RARB: variants seen among roughly 807,000 people sequenced by gnomAD.
RARB encodes the protein retinoic acid receptor beta.
In RARB, 17 loss-of-function variants were observed where a neutral mutation model predicts 51.9. The ratio of observed to expected loss-of-function variants is 0.33; its 90% CI spans 0.22 to 0.49. The LOEUF (loss-of-function observed/expected upper bound fraction) is 0.49, where lower values mean the gene tolerates loss of function less well. RARB is among the 20% of genes least tolerant of loss of function. The pLI is 0.99. For synonymous variants in RARB, 215 were observed against 195.4 expected (o/e 1.10, Z -0.84); for missense variants, 369 against 550.8 (o/e 0.67, Z 3.30).
At chr3:25,509,355 C>T (rs956963245) in intron 3 of RARB, among the ~76,000 whole-genome samples, 1 of 152,236 alleles carries the variant, frequency 6.6e-6, no homozygotes, top group Non-Finnish European at 1.5e-5. Context: ...TTGTCTGCTA[C>T]TGCTTCTTTT....
At chr3:25,515,227 G>A (rs1245059521) in intron 3 of RARB, among the ~76,000 whole-genome samples, 2 of 152,212 alleles carry the variant, frequency 1.3e-5, no homozygotes, top group African/African-American at 4.8e-5. Flanking sequence ...AGATTGAAGT[G>A]TGGTGCTTTA....
chr3:25,205,252 C>T (rs1701508784), intron 5 of RARB, among the ~76,000 whole-genome samples: 1 of 152,164 alleles, frequency 6.6e-6, no homozygotes, highest in Non-Finnish European at 1.5e-5. Context: ...TCCTGCTGTG[C>T]AGTTTGCTAA....
chr3:25,425,034 CT>C (rs1448338132), upstream of RARB, among the ~76,000 whole-genome samples: 2 of 152,152 alleles, frequency 1.3e-5, no homozygotes, highest in Admixed American at 1.3e-4. Context: ...TTGTTTTTCA[CT>C]TTTTGTTTGC....
chr3:25,276,636 G>A (rs1703388748), intron 5 of RARB, among the ~76,000 whole-genome samples: 1 of 152,188 alleles, frequency 6.6e-6, no homozygotes, highest in African/African-American at 2.4e-5. Context: ...AAGACATTAT[G>A]CCTCTAATTT....
At chr3:25,097,940 T>G (rs1413895638) in intron 3 of RARB, among the ~76,000 whole-genome samples, 1 of 152,200 alleles carries the variant, frequency 6.6e-6, no homozygotes, top group Admixed American at 6.5e-5. Context: ...GAGAAAACCA[T>G]GGTCCCTACC....
Position 25,035,915 on chromosome 3 carries a change from G to A in RARB, c.-379-24210G>A, listed in dbSNP as rs147241975. ...CCACAACTGAGGTGGTTATACACTC[G>A]GTAACTAAATGGTGAACTGCCATGG... On this transcript the variant is annotated intron_variant, in intron 2 of 11. Transcript: ENST00000383772. 3.2e-4 allele frequency among the ~76,000 whole-genome samples: 49 copies of A among 152,182 alleles called. 1 individual carries two copies. The highest frequency in any genetic ancestry group is 6.8e-3 in the Middle Eastern group (2 of 294).
intron 5 of RARB, among the ~76,000 whole-genome samples, chr3:25,391,688 T>C (rs1706964462): frequency 6.6e-6 from 1 of 152,200 alleles, no homozygotes; most frequent in African/African-American, 2.4e-5. Flanking sequence ...TTGTATATCT[T>C]CTTTTGAGAA....
At chr3:25,564,421 C>T (rs1335423468) in intron 3 of RARB, among the ~76,000 whole-genome samples, 1 of 152,188 alleles carries the variant, frequency 6.6e-6, no homozygotes, top group East Asian at 1.9e-4. Context: ...ACATCTGTGA[C>T]CCCCTGAATG....
chr3:25,434,288 C>G (rs183574520), intron 1 of RARB, among the ~76,000 whole-genome samples: 5 of 151,868 alleles, frequency 3.3e-5, no homozygotes, highest in Admixed American at 6.5e-5. Context: ...TTGAAGAGAA[C>G]AAAGAAAAAC....
At chr3:24,995,681 A>G (rs1397561114) in intron 2 of RARB, among the ~76,000 whole-genome samples, 2 of 152,146 alleles carry the variant, frequency 1.3e-5, no homozygotes, top group Non-Finnish European at 1.5e-5. Flanking sequence ...TCATGAAGGG[A>G]TGTTGAATTC....
At chr3:25,327,486 T>C (rs1015112232) in intron 5 of RARB, among the ~76,000 whole-genome samples, 17 of 152,240 alleles carry the variant, frequency 1.1e-4, no homozygotes, top group Non-Finnish European at 2.1e-4. Flanking sequence ...TTTATAATTC[T>C]GAGAGAAAAT....
intron 1 of RARB, among the ~76,000 whole-genome samples, chr3:25,449,568 T>C (rs150595250): frequency 3.7e-4 from 56 of 152,268 alleles, no homozygotes; most frequent in African/African-American, 1.2e-3. Flanking sequence ...GGGGATGTCA[T>C]AGTCTTCTCT....
intron 2 of RARB, among the ~76,000 whole-genome samples, chr3:24,938,313 T>C (rs1234694534): frequency 2.0e-5 from 3 of 152,170 alleles, no homozygotes; most frequent in African/African-American, 4.8e-5. Flanking sequence ...CTAGAGTCTT[T>C]CGTTGTACTG....
chr3:25,534,557 A>G (rs548672847), intron 3 of RARB, among the ~76,000 whole-genome samples: 1 of 152,274 alleles, frequency 6.6e-6, no homozygotes, highest in Non-Finnish European at 1.5e-5. Context: ...TGGGTGTAAC[A>G]GGTTCCCTTA....
chr3:25,259,482 C>G (rs1429870909), intron 5 of RARB, among the ~76,000 whole-genome samples: 1 of 152,124 alleles, frequency 6.6e-6, no homozygotes, highest in Non-Finnish European at 1.5e-5. Context: ...TTTATACTAG[C>G]TGGATGTCAA....
chr3:24,994,925 A>T (rs2125437521), intron 2 of RARB, among the ~76,000 whole-genome samples: 1 of 152,218 alleles, frequency 6.6e-6, no homozygotes, highest in East Asian at 1.9e-4. Flanking sequence ...TGGTAGTGTG[A>T]TACTTCCAGC....
At chr3:24,832,411 A>C (rs1222884405) in intron 1 of RARB, among the ~76,000 whole-genome samples, 2 of 151,960 alleles carry the variant, frequency 1.3e-5, no homozygotes, top group East Asian at 3.9e-4. Flanking sequence ...AAAAATTTTT[A>C]AGTGGGAAGC....
intron 2 of RARB, among the ~76,000 whole-genome samples, chr3:24,869,426 A>T (rs1178259425): frequency 6.6e-6 from 1 of 152,142 alleles, no homozygotes; most frequent in Non-Finnish European, 1.5e-5. Context: ...AAATTAAAAC[A>T]CTTATTTTCT....
chr3:25,045,395 G>A (rs1313109240), intron 2 of RARB, among the ~76,000 whole-genome samples: 2 of 152,168 alleles, frequency 1.3e-5, no homozygotes, highest in African/African-American at 2.4e-5. Context: ...GAGAGAGAAA[G>A]CGAGGTAACT....
Sources: allele counts gnomAD v4.1 joint callset (sites outside exome capture counted in the v4.1 genomes callset), GRCh38; gene constraint gnomAD v4.1.1; transcripts MANE v1.5; gene names NCBI Gene and HGNC (gene_info 2026-07-23, HGNC 2026-07-21).